RBFOX1: variants seen among roughly 807,000 people sequenced by gnomAD.
RBFOX1 encodes RNA binding fox-1 homolog 1.
In RBFOX1, 8 loss-of-function variants were observed where a neutral mutation model predicts 57.7. That is an observed-to-expected ratio of 0.14 (90% confidence interval 0.08 to 0.25). The LOEUF (loss-of-function observed/expected upper bound fraction) is 0.25, where lower values mean the gene tolerates loss of function less well. RBFOX1 is among the 10% of genes least tolerant of loss of function. The probability of loss-of-function intolerance (pLI) is 1.00; values close to 1 mark genes in which losing one functional copy is unlikely to be tolerated. For missense variants in RBFOX1, 611 were observed against 548.5 expected, an observed-to-expected ratio of 1.11 and a Z score of -1.14; for synonymous variants, 326 against 222.4, an observed-to-expected ratio of 1.47 and a Z score of -4.15.
At chr16:7,669,422 G>C (rs1052007096) in intron 13 of RBFOX1, among the ~76,000 whole-genome samples, 2 of 152,328 alleles carry the variant, frequency 1.3e-5, no homozygotes, top group Admixed American at 1.3e-4. Context: ...ATAGAAACTG[G>C]AATAACATAG....
chr16:7,271,732 G>C (rs1164192900), intron 4 of RBFOX1, among the ~76,000 whole-genome samples: 1 of 151,952 alleles, frequency 6.6e-6, no homozygotes, highest in Non-Finnish European at 1.5e-5. Flanking sequence ...CATAAAGTCG[G>C]TCCTGCTTCT....
At chr16:5,822,052 A>C (rs553107967) in intron 3 of RBFOX1, among the ~76,000 whole-genome samples, 3 of 152,344 alleles carry the variant, frequency 2.0e-5, no homozygotes, top group Admixed American at 2.0e-4. Context: ...ATTAAAAAGA[A>C]GTTGTTTATA....
chr16:6,115,933 G>A (rs947435644), intron 1 of RBFOX1, among the ~76,000 whole-genome samples: 2 of 152,034 alleles, frequency 1.3e-5, no homozygotes, highest in African/African-American at 4.8e-5. Flanking sequence ...AGTACCCAAA[G>A]GATTATAAAT....
rs1001475887 is a variant in RBFOX1, at chr16:6,388,000, G to C, written c.-64+70943G>C. Among the ~76,000 whole-genome samples, 107 of 42,678 alleles carry C rather than the reference G, an allele frequency of 2.5e-3. No individual in the cohort carries two copies. In the East Asian group the frequency reaches 0.048, roughly 19 times the overall value. 28.0% of individuals were successfully genotyped at this position (42,678 alleles called of 152,430 possible). A position where few individuals can be genotyped will look rare whatever the true frequency, so the allele number is the denominator to read the frequency against. On this transcript the variant is annotated intron_variant, in intron 2 of 15. Transcript: ENST00000550418. ...TTTTTTTTTTTTTTTTTTTTTTTTG[G>C]AGACAGAGTCTTGCTTTTGGCCAGG...
At chr16:6,249,120 C>T (rs557038906) in intron 1 of RBFOX1, among the ~76,000 whole-genome samples, 1 of 152,136 alleles carries the variant, frequency 6.6e-6, no homozygotes, top group Non-Finnish European at 1.5e-5. Flanking sequence ...TCCCCACCAA[C>T]CTACTCAAGA....
chr16:6,431,358 G>A (rs1332594451), intron 2 of RBFOX1, among the ~76,000 whole-genome samples: 2 of 151,968 alleles, frequency 1.3e-5, no homozygotes, highest in South Asian at 2.1e-4. Flanking sequence ...AGGAAATATG[G>A]AAAGAAAAGT....
At chr16:5,630,921 A>C (rs1195264644) in intron 3 of RBFOX1, among the ~76,000 whole-genome samples, 1 of 152,092 alleles carries the variant, frequency 6.6e-6, no homozygotes, top group Admixed American at 6.5e-5. Flanking sequence ...TTCTGATGTT[A>C]TTTTCTCCAT....
intron 1 of RBFOX1, among the ~76,000 whole-genome samples, chr16:5,337,950 T>G (rs768158624): frequency 3.3e-5 from 5 of 152,094 alleles, no homozygotes; most frequent in Admixed American, 6.6e-5. Flanking sequence ...AGGCTGAGGT[T>G]GGAGGATTGC....
At chr16:7,249,373 A>T (rs1224968603) in intron 4 of RBFOX1, among the ~76,000 whole-genome samples, 1 of 152,126 alleles carries the variant, frequency 6.6e-6, no homozygotes, top group Non-Finnish European at 1.5e-5. Context: ...AATCTACCTG[A>T]GAATTTGCAG....
At chr16:5,763,822 G>A (rs1044675878) in intron 3 of RBFOX1, among the ~76,000 whole-genome samples, 3 of 152,288 alleles carry the variant, frequency 2.0e-5, no homozygotes, top group African/African-American at 7.2e-5. Flanking sequence ...TCCCTTCTGA[G>A]CTTACACTCC....
rs568494426 is a variant in RBFOX1, at chr16:6,841,970, C to G, written c.-16+187320C>G. On this transcript the variant is annotated intron_variant, in intron 3 of 15. Coordinates refer to ENST00000550418, the MANE Select transcript of RBFOX1 (RefSeq NM_018723.4). ...TGGCTAATACGGTGAAACCCCGTCT[C>G]TATTAAAAAAAAAATACAAAAAATT... is the stretch of plus-strand genomic sequence containing the variant. 3.5e-3 allele frequency among the ~76,000 whole-genome samples: 387 copies of G among 110,578 alleles called. 2 individuals carry two copies. The highest frequency in any genetic ancestry group is 0.016 in the African/African-American group (369 of 22,538). 72.5% of individuals were successfully genotyped at this position (110,578 alleles called of 152,430 possible). A position where few individuals can be genotyped will look rare whatever the true frequency, so the allele number is the denominator to read the frequency against.
chr16:5,538,217 A>G (rs1051360524), intron 2 of RBFOX1, among the ~76,000 whole-genome samples: 1 of 152,222 alleles, frequency 6.6e-6, no homozygotes, highest in East Asian at 1.9e-4. Context: ...TGTCAGATCA[A>G]TATGGATTCA....
intron 4 of RBFOX1, among the ~76,000 whole-genome samples, chr16:7,055,477 A>G (rs564063762): frequency 1.3e-5 from 2 of 152,104 alleles, no homozygotes; most frequent in African/African-American, 4.8e-5. Context: ...CCTTCTTCCA[A>G]GATGTCTGCC....
At chr16:5,633,135 C>T (rs182772640) in intron 3 of RBFOX1, among the ~76,000 whole-genome samples, 10 of 152,100 alleles carry the variant, frequency 6.6e-5, no homozygotes, top group Non-Finnish European at 1.5e-4. Context: ...GACGGAATTT[C>T]GCCATATTGG....
chr16:5,456,684 G>T (rs904345119), intron 1 of RBFOX1, among the ~76,000 whole-genome samples: 4 of 152,090 alleles, frequency 2.6e-5, no homozygotes, highest in Non-Finnish European at 4.4e-5. Context: ...CATTTCCTTG[G>T]ATACCTCTCT....
chr16:6,019,073 TCACACA>T lies in RBFOX1; in HGVS notation c.-1039_-1034del, dbSNP rs747337918. The T allele has an allele frequency of 1.0e-6, 1 of 977,592 alleles. No homozygotes were observed. 60.6% of individuals were successfully genotyped at this position (977,592 alleles called of 1,614,324 possible). On this transcript the variant is annotated 5_prime_UTR_variant, in exon 1 of 16. Coordinates refer to ENST00000550418, the MANE Select transcript of RBFOX1 (RefSeq NM_018723.4). The surrounding 1 kb of genome is among the most constrained non-coding windows in gnomAD (Gnocchi z 4.2). Reference sequence around the variant, plus strand: ...GGGCTGCTCGCTGCTTGTCGCGCGCTCACACACACACAGACACACACGCACACACAC... The same window carrying T: ...GGGCTGCTCGCTGCTTGTCGCGCGCTCACACAGACACACACGCACACACAC...
intron 4 of RBFOX1, among the ~76,000 whole-genome samples, chr16:7,088,963 C>A (rs530799135): frequency 3.9e-5 from 6 of 152,318 alleles, no homozygotes; most frequent in Non-Finnish European, 8.8e-5. Context: ...TATGAACTCT[C>A]TTTGCTGTAA....
chr16:7,190,086 C>T (rs967612922), intron 4 of RBFOX1, among the ~76,000 whole-genome samples: 6 of 152,204 alleles, frequency 3.9e-5, no homozygotes, highest in Non-Finnish European at 7.3e-5. Flanking sequence ...CTTGGCCGGG[C>T]ACAGTGGCTC....
chr16:7,201,412 C>T (rs1349760434), intron 4 of RBFOX1, among the ~76,000 whole-genome samples: 1 of 150,894 alleles, frequency 6.6e-6, no homozygotes, highest in Non-Finnish European at 1.5e-5. Flanking sequence ...GGCAGGAGGT[C>T]CTTAGTTTGA....
Sources: allele counts gnomAD v4.1 joint callset (sites outside exome capture counted in the v4.1 genomes callset), GRCh38; gene constraint gnomAD v4.1.1; non-coding constraint Gnocchi (gnomAD v3.1); transcripts MANE v1.5; gene names NCBI Gene and HGNC (gene_info 2026-07-23, HGNC 2026-07-21).